Variants in ABTB2 observed in about 807,000 individuals in gnomAD.
The protein encoded by ABTB2 is ankyrin repeat and BTB/POZ domain-containing protein 2.
In ABTB2, 56 loss-of-function variants were observed where a neutral mutation model predicts 104.1. The ratio of observed to expected loss-of-function variants is 0.54; its 90% CI spans 0.43 to 0.67. The LOEUF (loss-of-function observed/expected upper bound fraction) is 0.67, where lower values mean the gene tolerates loss of function less well. ABTB2 is among the 30% of genes least tolerant of loss of function. The pLI is 0.00. For missense variants in ABTB2, 1,279 were observed against 1,407.7 expected, an observed-to-expected ratio of 0.91 and a Z score of 1.46; for synonymous variants, 606 against 608.2, an observed-to-expected ratio of 1.00 and a Z score of 0.05.
chr11:34,157,519 C>T (rs1289673982), intron 14 of ABTB2, among the ~76,000 whole-genome samples: 1 of 152,212 alleles, frequency 6.6e-6, no homozygotes, highest in Non-Finnish European at 1.5e-5. Context: ...CAGTCTCCAG[C>T]GATCCCTGTA....
At chr11:34,260,582 A>G (rs1329044530) in intron 1 of ABTB2, among the ~76,000 whole-genome samples, 2 of 152,210 alleles carry the variant, frequency 1.3e-5, no homozygotes, top group Non-Finnish European at 2.9e-5. Context: ...CAAAGGATAA[A>G]TTGTATTGAT....
chr11:34,201,383 C>T (rs1369435780), intron 2 of ABTB2, among the ~76,000 whole-genome samples: 2 of 152,108 alleles, frequency 1.3e-5, no homozygotes, highest in African/African-American at 2.4e-5. Flanking sequence ...AATTCAACAC[C>T]GTCTTCAAAA....
At chr11:34,324,815 C>T (rs16925428) in intron 1 of ABTB2, among the ~76,000 whole-genome samples, 4,999 of 152,260 alleles carry the variant, frequency 0.033, 285 homozygotes, top group African/African-American at 0.12. Flanking sequence ...AGCACAAAGA[C>T]GCACAAAGAC....
At chr11:34,327,991 T>C (rs1269729637) in intron 1 of ABTB2, among the ~76,000 whole-genome samples, 1 of 152,220 alleles carries the variant, frequency 6.6e-6, no homozygotes, top group Non-Finnish European at 1.5e-5. Flanking sequence ...ATGTGTCATC[T>C]AGCACAGTGT....
chr11:34,244,700 A>G (rs1853963809), intron 1 of ABTB2, among the ~76,000 whole-genome samples: 1 of 152,122 alleles, frequency 6.6e-6, no homozygotes, highest in Non-Finnish European at 1.5e-5. Flanking sequence ...TTTAGGCCTC[A>G]ATGTCCTCAT....
chr11:34,162,545 G>A, intron 10 of ABTB2, 31 bp downstream of exon 10: 1 of 1,601,290 alleles, frequency 6.2e-7, no homozygotes, highest in Non-Finnish European at 8.5e-7. Flanking sequence ...TGCATGCATG[G>A]ACATGGGTGT....
chr11:34,188,969 T>C (rs1303463103), intron 3 of ABTB2, among the ~76,000 whole-genome samples: 1 of 152,174 alleles, frequency 6.6e-6, no homozygotes, highest in Admixed American at 6.5e-5. Context: ...GATCTCTACC[T>C]TATGCAGGAG....
chr11:34,357,897 G>A lies in ABTB2; in HGVS notation c.-314C>T. On this transcript the variant is annotated 5_prime_UTR_variant, in exon 1 of 17. Coordinates refer to ENST00000435224, the MANE Select transcript of ABTB2 (RefSeq NM_145804.3). ...CAGAGAGTCAGTCCTCCACAGAGAA[G>A]GAATCCCGGGAGAACAGGGCGGCGG... is the stretch of plus-strand genomic sequence containing the variant. The A allele has an allele frequency of 3.3e-6, 1 of 299,108 alleles. No individual in the cohort carries two copies. The allele number at this position is 299,108 out of a possible 1,614,324, so 18.5% of individuals were successfully genotyped here.
rs1853277389 is a variant in ABTB2, at chr11:34,197,554, G to A, written c.1031-16C>T. On this transcript the variant is annotated splice_polypyrimidine_tract_variant and intron_variant, in intron 2 of 16. Transcript: ENST00000435224. ...ACCAAGTCACCTGGTGGGGGGCGGG[G>A]AGGGCAGAGGGGAGGAAGAGAAAAA... is the stretch of plus-strand genomic sequence containing the variant. 1.3e-6 allele frequency: 2 copies of A among 1,508,304 alleles called. No homozygotes were observed. The highest frequency in any genetic ancestry group is 1.8e-6 in the Non-Finnish European group (2 of 1,116,794). 93.4% of individuals were successfully genotyped at this position (1,508,304 alleles called of 1,614,324 possible).
intron 1 of ABTB2, among the ~76,000 whole-genome samples, chr11:34,213,238 G>A (rs935671114): frequency 2.0e-5 from 3 of 152,236 alleles, no homozygotes. Flanking sequence ...AGCACTTTGG[G>A]AGGCCAAGGC....
intron 1 of ABTB2, among the ~76,000 whole-genome samples, chr11:34,286,425 T>C (rs1854506902): frequency 6.6e-6 from 1 of 152,082 alleles, no homozygotes; most frequent in South Asian, 2.1e-4. Flanking sequence ...CCTGAGTAGC[T>C]GGGATTACAG....
chr11:34,152,327 C>T lies in ABTB2; in HGVS notation c.*60G>A, dbSNP rs1384350100. Reference sequence around the variant, plus strand: ...TCCAAGAGGGCCTACAACCATACCCCGACATGGTGGGCCCTGGCACCTCCA... The same window carrying T: ...TCCAAGAGGGCCTACAACCATACCCTGACATGGTGGGCCCTGGCACCTCCA... On this transcript the variant is annotated 3_prime_UTR_variant, in exon 17 of 17. Coordinates refer to ENST00000435224, the MANE Select transcript of ABTB2 (RefSeq NM_145804.3). 1.3e-5 allele frequency: 20 copies of T among 1,508,866 alleles called. No homozygotes were observed. Among genetic ancestry groups the T allele is most frequent in the East Asian group, 4.9e-5 (2 of 40,506 alleles). The allele number at this position is 1,508,866 out of a possible 1,614,324, so 93.5% of individuals were successfully genotyped here. A position where few individuals can be genotyped will look rare whatever the true frequency, so the allele number is the denominator to read the frequency against.
At chr11:34,274,773 A>G (rs1457679401) in intron 1 of ABTB2, among the ~76,000 whole-genome samples, 2 of 152,144 alleles carry the variant, frequency 1.3e-5, no homozygotes, top group Non-Finnish European at 2.9e-5. Context: ...CCCATTAGGC[A>G]TGCAGGTCAG....
intron 1 of ABTB2, among the ~76,000 whole-genome samples, chr11:34,325,823 T>C (rs1855062613): frequency 6.6e-6 from 1 of 152,012 alleles, no homozygotes; most frequent in South Asian, 2.1e-4. Context: ...TGGTGGCACA[T>C]GCCCGTAATC....
chr11:34,282,508 C>T (rs958581105), intron 1 of ABTB2, among the ~76,000 whole-genome samples: 4 of 151,968 alleles, frequency 2.6e-5, no homozygotes, highest in African/African-American at 7.3e-5. Context: ...ATTGATGTAA[C>T]GTACTTTTCT....
At chr11:34,190,077 T>C (rs1853152712) in intron 3 of ABTB2, among the ~76,000 whole-genome samples, 1 of 151,894 alleles carries the variant, frequency 6.6e-6, no homozygotes, top group Admixed American at 6.6e-5. Flanking sequence ...CTGTCTCTAC[T>C]AAAAATACAA....
rs962421360 is a variant in ABTB2, at chr11:34,237,503, A to G, written c.884-32813T>C. ...TTATCTCCATAAATGAATTTGCCAG[A>G]TTTATGATTATGATCAGAATATGGT... On this transcript the variant is annotated intron_variant, in intron 1 of 16. Transcript: ENST00000435224. Among the ~76,000 whole-genome samples the G allele has an allele frequency of 1.1e-4, 16 of 152,192 alleles. No homozygotes were observed. In the East Asian group the frequency reaches 1.5e-3, roughly 15 times the overall value.
At chr11:34,342,836 T>C (rs1855277860) in intron 1 of ABTB2, among the ~76,000 whole-genome samples, 1 of 152,192 alleles carries the variant, frequency 6.6e-6, no homozygotes, top group South Asian at 2.1e-4. Context: ...TGTGACTTTG[T>C]TTCTTCATCT....
intron 1 of ABTB2, among the ~76,000 whole-genome samples, chr11:34,213,943 T>C (rs181823324): frequency 7.9e-5 from 12 of 152,250 alleles, no homozygotes; most frequent in African/African-American, 2.9e-4. Flanking sequence ...CTCCAAAGTA[T>C]TGATGTAACA....
Sources: gnomAD v4.1 joint callset for allele counts (sites outside exome capture counted in the v4.1 genomes callset) on GRCh38, gnomAD v4.1.1 for gene constraint, MANE v1.5 for transcripts, NCBI Gene and HGNC (gene_info 2026-07-23, HGNC 2026-07-21) for gene names.